The following CD109 variants were observed in gnomAD, a reference collection of about 807,000 sequenced individuals.
CD109 encodes CD109 antigen.
CD109 carries 149 observed loss-of-function variants against 165.8 expected under a neutral mutation model. The ratio of observed to expected loss-of-function variants is 0.90; its 90% confidence interval spans 0.79 to 1.03. The LOEUF (loss-of-function observed/expected upper bound fraction) is 1.03, where lower values mean the gene tolerates loss of function less well. Ranked by LOEUF, CD109 falls within the 50% of genes least tolerant of loss-of-function variation. The pLI is 0.00. For missense variants in CD109, 1,712 were observed against 1,677.8 expected (o/e 1.02, Z -0.36); for synonymous variants, 585 against 592.1 (o/e 0.99, Z 0.18).
intron 4 of CD109, among the ~76,000 whole-genome samples, chr6:73,731,484 G>A (rs1165189764): frequency 6.6e-6 from 1 of 152,256 alleles, no homozygotes; most frequent in Non-Finnish European, 1.5e-5. Context: ...CAAGCTGGCA[G>A]TGTGCTGGAG....
chr6:73,707,960 C>CTT (rs1554168210), intron 2 of CD109, among the ~76,000 whole-genome samples: 9 of 106,378 alleles, frequency 8.5e-5, no homozygotes, highest in African/African-American at 3.2e-4. Context: ...AAATTGTTAT[C>CTT]TTTATATATA....
intron 29 of CD109, among the ~76,000 whole-genome samples, chr6:73,814,514 G>T (rs76672160): frequency 9.4e-4 from 143 of 152,224 alleles, no homozygotes; most frequent in Non-Finnish European, 1.7e-3. Flanking sequence ...GACAAACATT[G>T]TATGAACAAA....
intron 5 of CD109, among the ~76,000 whole-genome samples, chr6:73,748,114 C>T (rs143527044): frequency 5.9e-5 from 9 of 152,220 alleles, no homozygotes; most frequent in African/African-American, 9.6e-5. Flanking sequence ...AAGTGATCTG[C>T]CTGCCTCAAC....
At chr6:73,706,018 A>G (rs1218847244) in intron 2 of CD109, among the ~76,000 whole-genome samples, 1 of 152,100 alleles carries the variant, frequency 6.6e-6, no homozygotes, top group African/African-American at 2.4e-5. Flanking sequence ...AAGTGGTGAG[A>G]TCAGTATTGG....
At chr6:73,738,278 T>C (rs1469301855) in intron 5 of CD109, among the ~76,000 whole-genome samples, 4 of 152,188 alleles carry the variant, frequency 2.6e-5, no homozygotes, top group Non-Finnish European at 5.9e-5. Context: ...ACCTTTGAGG[T>C]GTTCTTCAGT....
chr6:73,768,259 A>C (rs1414115237), intron 14 of CD109, 28 bp downstream of exon 14: 6 of 1,379,748 alleles, frequency 4.3e-6, no homozygotes, highest in Non-Finnish European at 6.1e-6. Context: ...GATGTTTAAA[A>C]GAAAACTTTA....
chr6:73,739,714 G>A (rs952525175), intron 5 of CD109, among the ~76,000 whole-genome samples: 6 of 151,986 alleles, frequency 3.9e-5, no homozygotes, highest in African/African-American at 1.5e-4. Context: ...TGGGTGTGGT[G>A]GCGGGCGCCT....
chr6:73,717,611 CTTTTTTTTT>C (rs779915655), intron 2 of CD109, among the ~76,000 whole-genome samples: 1 of 74,812 alleles, frequency 1.3e-5, no homozygotes, highest in Non-Finnish European at 2.8e-5. Context: ...TCTACTGATT[CTTTTTTTTT>C]TTTTTTTTTT....
At chr6:73,684,930 C>CTT in the CD109 span, among the ~76,000 whole-genome samples, 25 of 138,412 alleles carry the variant, frequency 1.8e-4, no homozygotes, top group African/African-American at 5.6e-4. Flanking sequence ...ATTTTTTTTT[C>CTT]TTTTTTTTTT....
upstream of CD109, chr6:73,695,170 G>C (rs1291164443): frequency 6.6e-6 from 1 of 152,232 alleles, no homozygotes; most frequent in South Asian, 2.1e-4. Flanking sequence ...CCATGAATTA[G>C]AAAGTTTAAG....
At chr6:73,709,854 C>T (rs891361077) in intron 2 of CD109, among the ~76,000 whole-genome samples, 13 of 152,158 alleles carry the variant, frequency 8.5e-5, no homozygotes, top group Non-Finnish European at 1.6e-4. Context: ...ATGATTATCT[C>T]AACAGATGCA....
rs1582185033 is a variant in CD109, at chr6:73,802,975, T to C, written c.2879-245T>C. 2.0e-5 allele frequency among the ~76,000 whole-genome samples: 3 copies of C among 152,218 alleles called. No individual in the cohort carries two copies. The South Asian group carries it at 6.2e-4, about 32-fold the overall frequency. On this transcript the variant is annotated intron_variant, in intron 23 of 32. Transcript: ENST00000287097. Reference sequence around the variant, plus strand: ...TCGGCCTCCCAAAGCGCTGGGATTATAGGTGTGAGCCACTGCACCCGGCTG... The same window carrying C: ...TCGGCCTCCCAAAGCGCTGGGATTACAGGTGTGAGCCACTGCACCCGGCTG...
upstream of CD109, among the ~76,000 whole-genome samples, chr6:73,692,854 G>A (rs758445230): frequency 8.6e-5 from 13 of 151,980 alleles, no homozygotes; most frequent in African/African-American, 2.7e-4. Context: ...CTCCACATTC[G>A]CCTTCCACCA....
intron 2 of CD109, among the ~76,000 whole-genome samples, chr6:73,703,856 G>A (rs529306081): frequency 1.5e-3 from 231 of 152,196 alleles, no homozygotes; most frequent in Non-Finnish European, 2.6e-3. Flanking sequence ...TATTAAAAAG[G>A]CTGATTCATG....
chr6:73,734,246 A>G (rs892529547), intron 4 of CD109, among the ~76,000 whole-genome samples: 7 of 152,134 alleles, frequency 4.6e-5, no homozygotes, highest in African/African-American at 7.2e-5. Flanking sequence ...CCAACCCTCC[A>G]GATCCCCCAG....
chr6:73,791,140 T>C (rs28464706), intron 22 of CD109, among the ~76,000 whole-genome samples: 2,898 of 24,528 alleles, frequency 0.12, 60 homozygotes, highest in African/African-American at 0.26. Flanking sequence ...TACATACATA[T>C]ATATATATAT....
intron 2 of CD109, among the ~76,000 whole-genome samples, chr6:73,707,989 TA>T (rs1562021878): frequency 1.7e-4 from 20 of 115,252 alleles, no homozygotes; most frequent in East Asian, 2.7e-4. Flanking sequence ...TATATATATA[TA>T]TATATATATA....
At chr6:73,692,281 A>G (rs144111537), upstream of CD109, among the ~76,000 whole-genome samples, 76 of 152,306 alleles carry the variant, frequency 5.0e-4, no homozygotes, top group Middle Eastern at 3.4e-3. Context: ...CCAAGAGACC[A>G]TTAGGTTTTC....
At chr6:73,682,504 G>T in the CD109 span, among the ~76,000 whole-genome samples, 1 of 152,332 alleles carries the variant, frequency 6.6e-6, no homozygotes, top group Admixed American at 6.5e-5. Flanking sequence ...CCTCTTGGCT[G>T]CTTTCACTGG....
Sources: allele counts gnomAD v4.1 joint callset (sites outside exome capture counted in the v4.1 genomes callset), GRCh38; gene constraint gnomAD v4.1.1; transcripts MANE v1.5; gene names NCBI Gene and HGNC (gene_info 2026-07-23, HGNC 2026-07-21).